The following CDH19 variants were observed in gnomAD, a reference collection of about 807,000 sequenced individuals.
The protein encoded by CDH19 is cadherin 19.
In CDH19, 67 loss-of-function variants were observed where a neutral mutation model predicts 64.2. The ratio of observed to expected loss-of-function variants is 1.04; its 90% CI spans 0.86 to 1.28. The LOEUF is 1.28. Ranked by LOEUF, CDH19 falls within the 50% of genes most tolerant of loss-of-function variation. CDH19 has a pLI of 0.00. For missense variants in CDH19, 1,030 were observed against 929.0 expected (o/e 1.11, Z -1.41); for synonymous variants, 346 against 319.3 (o/e 1.08, Z -0.89).
In CDH19 at chr18:66,505,174, C is replaced by CCT; in HGVS notation, c.1955_1956dup (p.Ala653ArgfsTer5). 2 of 1,613,320 alleles carry CCT rather than the reference C, an allele frequency of 1.2e-6. No homozygotes were observed. The highest frequency in any genetic ancestry group is 1.3e-5 in the African/African-American group (1 of 74,966). ...CTCCTCAGCTCTGCTATATCAAAGG[C>CCT]CTCTGTATCTTCTTCTCCACCCCCT... On this transcript the variant is annotated frameshift_variant, in exon 12 of 12. Transcript: ENST00000262150. LOFTEE classifies it low-confidence loss of function (END_TRUNC).
At chr18:66,563,456 G>A (rs1941736) in intron 3 of CDH19, among the ~76,000 whole-genome samples, 51,481 of 151,674 alleles carry the variant, frequency 0.34, 9,559 homozygotes, top group South Asian at 0.48. Flanking sequence ...TTGAGATGTT[G>A]GGTTGTATAA....
chr18:66,546,913 G>A (rs1987139179), intron 5 of CDH19, among the ~76,000 whole-genome samples: 1 of 152,092 alleles, frequency 6.6e-6, no homozygotes, highest in Non-Finnish European at 1.5e-5. Flanking sequence ...ATTTCAAGAG[G>A]TAATGAGACA....
intron 6 of CDH19, 130 bp from the exon 7 acceptor site, chr18:66,544,354 G>T: frequency 1.4e-6 from 1 of 733,082 alleles, no homozygotes; most frequent in Non-Finnish European, 2.2e-6. Flanking sequence ...TATGTACATG[G>T]ATCTCTCTGA....
chr18:66,554,349 T>A, intron 4 of CDH19, 56 bp downstream of exon 4: 2 of 1,585,600 alleles, frequency 1.3e-6, no homozygotes, highest in Admixed American at 1.7e-5. Context: ...TAATTTTTGC[T>A]GACAATTGCC....
intron 4 of CDH19, 45 bp from the exon 5 acceptor site, chr18:66,551,303 G>C (rs1987335434): frequency 9.6e-7 from 1 of 1,036,896 alleles, no homozygotes; most frequent in Non-Finnish European, 1.5e-6. Flanking sequence ...TATTAATCAT[G>C]ACAAAGTTCT....
chr18:66,574,149 G>C (rs1025399724), intron 1 of CDH19, among the ~76,000 whole-genome samples: 2 of 151,604 alleles, frequency 1.3e-5, no homozygotes, highest in Non-Finnish European at 3.0e-5. Context: ...ATATGCTGAA[G>C]AGTCAAGGTT....
intron 9 of CDH19, among the ~76,000 whole-genome samples, chr18:66,513,937 T>C (rs1985614852): frequency 6.6e-6 from 1 of 151,428 alleles, no homozygotes; most frequent in South Asian, 2.1e-4. Context: ...ATACAGTGCA[T>C]TGAAAGCTAC....
rs1170151963 is a variant in CDH19 at position 66,503,773 on chromosome 18, C to A, written c.*1039G>T. ...TATAACTCTGATTAATTTGTATACA[C>A]CAAGTATCTGTTCAAATTTGAAATC... On this transcript the variant is annotated 3_prime_UTR_variant, in exon 12 of 12. Coordinates refer to ENST00000262150, the MANE Select transcript of CDH19 (RefSeq NM_021153.4). 1 of 151,718 alleles carries A rather than the reference C, an allele frequency of 6.6e-6. No homozygotes were observed. Among genetic ancestry groups the A allele is most frequent in the Non-Finnish European group, 1.5e-5 (1 of 67,838 alleles). The allele number at this position is 151,718 out of a possible 1,614,324, so 9.4% of individuals were successfully genotyped here.
intron 9 of CDH19, among the ~76,000 whole-genome samples, chr18:66,525,700 G>T (rs1986195514): frequency 6.6e-6 from 1 of 152,084 alleles, no homozygotes; most frequent in Admixed American, 6.6e-5. Flanking sequence ...CTCAAACCAT[G>T]TGTCCACTGA....
intron 8 of CDH19, 24 bp from the exon 9 acceptor site, chr18:66,529,990 A>C (rs776926858): frequency 1.7e-6 from 2 of 1,209,990 alleles, no homozygotes; most frequent in African/African-American, 1.6e-5. Context: ...ATATATAATA[A>C]AAATCTAACA....
rs1599044946 is a variant in CDH19, at chr18:66,595,066, G to T, written c.-113+8888C>A. 3.3e-5 allele frequency among the ~76,000 whole-genome samples: 5 copies of T among 150,826 alleles called. 1 individual carries two copies. In the South Asian group the frequency reaches 6.4e-4, roughly 19 times the overall value. Reference sequence around the variant, plus strand: ...ATCACTCAAACCATACAGTTACATGGAAATTAAACAAATTGCTCCTGAACG... The same window carrying T: ...ATCACTCAAACCATACAGTTACATGTAAATTAAACAAATTGCTCCTGAACG... On this transcript the variant is annotated intron_variant, in intron 1 of 11. Coordinates refer to ENST00000262150, the MANE Select transcript of CDH19 (RefSeq NM_021153.4).
intron 1 of CDH19, among the ~76,000 whole-genome samples, chr18:66,602,532 A>G (rs1213885597): frequency 6.6e-6 from 1 of 151,946 alleles, no homozygotes; most frequent in Admixed American, 6.6e-5. Flanking sequence ...CAAAAAATAT[A>G]AGTAGAAGAC....
intron 10 of CDH19, 44 bp downstream of exon 10, chr18:66,511,524 G>T: frequency 1.2e-6 from 1 of 818,794 alleles, no homozygotes; most frequent in Non-Finnish European, 2.1e-6. Flanking sequence ...TCTAACATGA[G>T]TCACAAAAAT....
In CDH19 at chr18:66,504,953, T is replaced by C. The variant is rs1985111418; in HGVS notation, c.2178A>G (p.Thr726=). The C allele has an allele frequency of 1.2e-6, 2 of 1,613,514 alleles. No homozygotes were observed. Among genetic ancestry groups the C allele is most frequent in the Non-Finnish European group, 1.7e-6 (2 of 1,179,720 alleles). ...AGCTCAGGGATCCAGCTAATGACCC[T>C]GTTCCCTCAAAAGCGTAGGTCTGGA... is the stretch of plus-strand genomic sequence containing the variant. The part of the protein sequence containing the change: ...DSLQTYAFEG[T]GSLAGSLSSL... Residue 726 remains threonine, a synonymous_variant, in exon 12 of 12, where the codon ACA becomes ACG. Transcript: ENST00000262150.
chr18:66,537,721 T>C (rs1986729794), intron 7 of CDH19, among the ~76,000 whole-genome samples: 1 of 152,100 alleles, frequency 6.6e-6, no homozygotes, highest in South Asian at 2.1e-4. Flanking sequence ...ATTCCAGTTA[T>C]CAGATGAGTT....
chr18:66,549,485 A>G (rs1987258961), intron 5 of CDH19, among the ~76,000 whole-genome samples: 1 of 152,100 alleles, frequency 6.6e-6, no homozygotes, highest in Non-Finnish European at 1.5e-5. Context: ...CAGAGGCCAT[A>G]TTAATGTTGT....
At chr18:66,556,470 T>C (rs1987524539) in intron 3 of CDH19, among the ~76,000 whole-genome samples, 1 of 151,788 alleles carries the variant, frequency 6.6e-6, no homozygotes, top group East Asian at 1.9e-4. Context: ...TTCTCTATCT[T>C]TCTATATTGA....
chr18:66,505,355 C>G, intron 11 of CDH19, 53 bp from the exon 12 acceptor site: 1 of 1,347,390 alleles, frequency 7.4e-7, no homozygotes, highest in Non-Finnish European at 1.0e-6. Flanking sequence ...GTATTATAAA[C>G]ATTACAGTCT....
At chr18:66,579,801 G>T (rs980715163) in intron 1 of CDH19, among the ~76,000 whole-genome samples, 1 of 152,018 alleles carries the variant, frequency 6.6e-6, no homozygotes, top group Admixed American at 6.6e-5. Flanking sequence ...ATGAGCAATA[G>T]ATGATAATGA....
Sources: gnomAD v4.1 joint callset for allele counts (sites outside exome capture counted in the v4.1 genomes callset) on GRCh38, gnomAD v4.1.1 for gene constraint, MANE v1.5 for transcripts, NCBI Gene and HGNC (gene_info 2026-07-23, HGNC 2026-07-21) for gene names.